PPM1H: variants seen among roughly 807,000 people sequenced by gnomAD.
PPM1H encodes the protein protein phosphatase, Mg2+/Mn2+ dependent 1H.
In PPM1H, 27 loss-of-function variants were observed where a neutral mutation model predicts 54.9. The observed-to-expected ratio is 0.49, with a 90% CI of 0.36 to 0.68. PPM1H has a LOEUF of 0.68. Among genes scored for constraint, PPM1H ranks in the 30% least tolerant of loss-of-function variants. PPM1H has a pLI of 0.00. For missense variants in PPM1H, 596 were observed against 667.8 expected, an observed-to-expected ratio of 0.89 and a Z score of 1.19; for synonymous variants, 305 against 270.8, an observed-to-expected ratio of 1.13 and a Z score of -1.24.
At chr12:62,877,489 G>A (rs1369963078) in intron 1 of PPM1H, among the ~76,000 whole-genome samples, 1 of 152,092 alleles carries the variant, frequency 6.6e-6, no homozygotes, top group Non-Finnish European at 1.5e-5. Context: ...CACGCGATAC[G>A]GTAATAGTAA....
chr12:62,886,550 T>C (rs1338269514), intron 1 of PPM1H, among the ~76,000 whole-genome samples: 1 of 152,200 alleles, frequency 6.6e-6, no homozygotes, highest in Non-Finnish European at 1.5e-5. Flanking sequence ...AGAATATCTA[T>C]GAATGCATAA....
chr12:62,902,171 T>A (rs879642710), intron 1 of PPM1H, among the ~76,000 whole-genome samples: 2 of 151,624 alleles, frequency 1.3e-5, no homozygotes, highest in Non-Finnish European at 2.9e-5. Flanking sequence ...GACCAGCCTG[T>A]CCAACATGGC....
intron 6 of PPM1H, among the ~76,000 whole-genome samples, chr12:62,697,188 G>A (rs2076119534): frequency 6.7e-6 from 1 of 150,298 alleles, no homozygotes; most frequent in Non-Finnish European, 1.5e-5. Flanking sequence ...GTACAATGGT[G>A]CGATCTCGGC....
intron 1 of PPM1H, among the ~76,000 whole-genome samples, chr12:62,907,573 C>T (rs1871336963): frequency 6.6e-6 from 1 of 152,118 alleles, no homozygotes; most frequent in Admixed American, 6.5e-5. Context: ...AAACTCAGTT[C>T]CCAAAAAAGC....
intron 6 of PPM1H, among the ~76,000 whole-genome samples, chr12:62,717,272 C>G (rs73312424): frequency 0.012 from 1,835 of 152,298 alleles, 29 homozygotes; most frequent in African/African-American, 0.042. Flanking sequence ...CTGCTTGTAG[C>G]CAAGGTTGTG....
chr12:62,720,404 TG>T, intron 5 of PPM1H, 115 bp from the exon 6 acceptor site: 1 of 707,920 alleles, frequency 1.4e-6, no homozygotes, highest in Non-Finnish European at 2.4e-6. Flanking sequence ...ACAAGAAAAT[TG>T]CCTCATATTT....
At chr12:62,837,946 C>T (rs1868553252) in intron 1 of PPM1H, among the ~76,000 whole-genome samples, 1 of 152,192 alleles carries the variant, frequency 6.6e-6, no homozygotes, top group Non-Finnish European at 1.5e-5. Context: ...GAACAGGGAC[C>T]TCCTCTGAGC....
At chr12:62,920,330 C>CT (rs913809376) in intron 1 of PPM1H, among the ~76,000 whole-genome samples, 18 of 151,734 alleles carry the variant, frequency 1.2e-4, no homozygotes, top group East Asian at 3.9e-4. Context: ...TTTAAAATTG[C>CT]TTTTTTTTGT....
chr12:62,740,779 G>A (rs1332422117), intron 4 of PPM1H, among the ~76,000 whole-genome samples: 1 of 152,188 alleles, frequency 6.6e-6, no homozygotes, highest in East Asian at 1.9e-4. Context: ...ATTAAAAAAT[G>A]CAGAATTTCA....
rs1338943955 is a variant in PPM1H at position 62,934,148 on chromosome 12, T to C, written c.245+344A>G. 2.1e-5 allele frequency: 5 copies of C among 242,272 alleles called. No individual in the cohort carries two copies. The East Asian group carries it at 4.3e-4, about 21-fold the overall frequency. 15.0% of individuals were successfully genotyped at this position (242,272 alleles called of 1,614,324 possible). A position where few individuals can be genotyped will look rare whatever the true frequency, so the allele number is the denominator to read the frequency against. On this transcript the variant is annotated intron_variant, in intron 1 of 9. Transcript: ENST00000228705. The surrounding 1 kb of genome is among the most constrained non-coding windows in gnomAD (Gnocchi z 4.2). ...GGGTACAGATAGCAGATTTTCCTTA[T>C]GTGTTTCAAACTTCAGAGCTTTTCT...
chr12:62,918,714 GA>G (rs954132399), intron 1 of PPM1H, among the ~76,000 whole-genome samples: 4 of 151,644 alleles, frequency 2.6e-5, no homozygotes, highest in African/African-American at 7.2e-5. Flanking sequence ...TAACATCAAG[GA>G]AAAAAAATGT....
chr12:62,842,634 A>G (rs1247184353), intron 1 of PPM1H, among the ~76,000 whole-genome samples: 1 of 152,220 alleles, frequency 6.6e-6, no homozygotes, highest in African/African-American at 2.4e-5. Context: ...AAGTAACACA[A>G]GAGGAATAAA....
At chr12:62,885,953 CAAA>C (rs2121061179) in intron 1 of PPM1H, among the ~76,000 whole-genome samples, 1 of 152,152 alleles carries the variant, frequency 6.6e-6, no homozygotes, top group East Asian at 1.9e-4. Context: ...CACATCAAAT[CAAA>C]TTAGTGAGAT....
chr12:62,667,321 G>A lies in PPM1H; in HGVS notation c.1254C>T (p.Ile418=). 1 of 1,586,262 alleles carries A rather than the reference G, an allele frequency of 6.3e-7. No individual in the cohort carries two copies. The change falls in exon 9 of 10, where the codon ATC becomes ATT. Residue 418 remains isoleucine (I), a synonymous_variant. Coordinates refer to ENST00000228705, the MANE Select transcript of PPM1H (RefSeq NM_020700.2). The part of the protein sequence containing the change: ...PFLSSAPEVR[I]YDLSKYDHGS... Reference sequence around the variant, plus strand: ...CATGATCATATTTTGAAAGATCGTAGATTCTTACCTGAAAAAAAACAAGAA... The same window carrying A: ...CATGATCATATTTTGAAAGATCGTAAATTCTTACCTGAAAAAAAACAAGAA...
intron 3 of PPM1H, among the ~76,000 whole-genome samples, 165 bp downstream of exon 3, chr12:62,801,651 C>T (rs1454689568): frequency 6.6e-6 from 1 of 152,182 alleles, no homozygotes; most frequent in Non-Finnish European, 1.5e-5. Flanking sequence ...ACTCTGTCTG[C>T]TGCCAATTTC....
chr12:62,722,098 C>T (rs1220812973), intron 5 of PPM1H, among the ~76,000 whole-genome samples: 2 of 152,154 alleles, frequency 1.3e-5, no homozygotes, highest in Non-Finnish European at 2.9e-5. Context: ...GCACAAGTCA[C>T]AGGCCCATGA....
intron 1 of PPM1H, among the ~76,000 whole-genome samples, chr12:62,854,119 G>A (rs1470426033): frequency 1.3e-5 from 2 of 151,988 alleles, no homozygotes; most frequent in African/African-American, 2.4e-5. Context: ...GCTCACATAC[G>A]GAAACAAGAT....
chr12:62,786,947 G>A (rs1204560303), intron 4 of PPM1H, among the ~76,000 whole-genome samples: 1 of 151,944 alleles, frequency 6.6e-6, no homozygotes, highest in African/African-American at 2.4e-5. Flanking sequence ...ATATATATAC[G>A]TTTATGTCAC....
intron 2 of PPM1H, among the ~76,000 whole-genome samples, chr12:62,821,980 G>A (rs1435976387): frequency 1.3e-5 from 2 of 152,102 alleles, no homozygotes; most frequent in African/African-American, 4.8e-5. Flanking sequence ...AAAGAGTCAA[G>A]ACCCATCAGT....
Sources: allele counts gnomAD v4.1 joint callset (sites outside exome capture counted in the v4.1 genomes callset), GRCh38; gene constraint gnomAD v4.1.1; non-coding constraint Gnocchi (gnomAD v3.1); transcripts MANE v1.5; gene names NCBI Gene and HGNC (gene_info 2026-07-23, HGNC 2026-07-21).